LYPLAL1: variants seen among roughly 807,000 people sequenced by gnomAD.
The protein encoded by LYPLAL1 is lysophospholipase like 1.
A neutral mutation model predicts 19.7 loss-of-function variants in LYPLAL1; 23 were observed. The observed-to-expected ratio is 1.17, with a 90% CI of 0.84 to 1.65. LYPLAL1 has a LOEUF of 1.65. Ranked by LOEUF, LYPLAL1 falls within the 40% of genes most tolerant of loss-of-function variation. LYPLAL1 has a pLI of 0.00. For synonymous variants in LYPLAL1, 119 were observed against 96.3 expected (o/e 1.24, Z -1.38); for missense variants, 355 against 279.4 (o/e 1.27, Z -1.93).
chr1:219,426,340 T>C, the LYPLAL1 span, among the ~76,000 whole-genome samples: 1 of 152,214 alleles, frequency 6.6e-6, no homozygotes, highest in Non-Finnish European at 1.5e-5. Flanking sequence ...CTCAGTGTTA[T>C]TGGCTTTCAA....
chr1:219,360,437 A>C, the LYPLAL1 span, among the ~76,000 whole-genome samples: 1 of 152,190 alleles, frequency 6.6e-6, no homozygotes, highest in Non-Finnish European at 1.5e-5. Flanking sequence ...TAGACATCGG[A>C]GTAGTCATTT....
In LYPLAL1 at chr1:219,206,843, A is replaced by G. The variant is rs575669271; in HGVS notation, c.362-3689A>G. On this transcript the variant is annotated intron_variant, in intron 3 of 4. Transcript: ENST00000366928. ...CATATGTAAAATTTTCTTGATAGTT[A>G]TGCTTTTAAAATCTCTTTTTAATGT... Among the ~76,000 whole-genome samples the G allele has an allele frequency of 3.3e-5, 5 of 151,940 alleles. No individual in the cohort carries two copies. The South Asian group carries it at 1.0e-3, about 32-fold the overall frequency.
the LYPLAL1 span, among the ~76,000 whole-genome samples, chr1:219,278,678 A>AAACAACAACAAC: frequency 0.056 from 8,448 of 150,704 alleles, 509 homozygotes; most frequent in African/African-American, 0.15. Context: ...AAAAATCACT[A>AAACAACAACAAC]AACAACAACA....
the LYPLAL1 span, among the ~76,000 whole-genome samples, chr1:219,391,512 G>T: frequency 6.6e-6 from 1 of 151,708 alleles, no homozygotes; most frequent in East Asian, 1.9e-4. Flanking sequence ...TGCATTTTTG[G>T]TTAACCAAAG....
chr1:219,191,150 TACCTTTCCTGTAGAAAGGTA>T (rs1191894748), intron 2 of LYPLAL1, among the ~76,000 whole-genome samples: 1 of 151,674 alleles, frequency 6.6e-6, no homozygotes, highest in African/African-American at 2.4e-5. Flanking sequence ...GATATTTTCC[TACCTTTCCTGTAGAAAGGTA>T]AATTTTTACA....
At chr1:219,188,681 C>CT (rs35665269) in intron 2 of LYPLAL1, among the ~76,000 whole-genome samples, 137,396 of 145,390 alleles carry the variant, frequency 0.95, 64,996 homozygotes, top group East Asian at 0.99. Flanking sequence ...TGAATGTCAA[C>CT]TTTTTTTTTT....
the LYPLAL1 span, among the ~76,000 whole-genome samples, chr1:219,354,891 T>C: frequency 3.3e-5 from 5 of 150,810 alleles, no homozygotes; most frequent in Non-Finnish European, 7.4e-5. Flanking sequence ...TTTAAAAAGA[T>C]ATTTGACTAT....
the LYPLAL1 span, among the ~76,000 whole-genome samples, chr1:219,292,696 T>C: frequency 2.6e-5 from 4 of 152,240 alleles, no homozygotes; most frequent in African/African-American, 9.6e-5. Context: ...TTAGATGTAC[T>C]ACATACTGTG....
chr1:219,408,239 C>T, the LYPLAL1 span, among the ~76,000 whole-genome samples: 6 of 152,192 alleles, frequency 3.9e-5, no homozygotes, highest in Admixed American at 2.0e-4. Flanking sequence ...GGCTCTTTCT[C>T]TGTGATGTTG....
the LYPLAL1 span, among the ~76,000 whole-genome samples, chr1:219,367,755 G>A: frequency 6.6e-6 from 1 of 152,112 alleles, no homozygotes. Context: ...ATTTAATTAT[G>A]GAGCTTTCTA....
At chr1:219,196,142 T>G (rs188188924) in intron 3 of LYPLAL1, among the ~76,000 whole-genome samples, 1 of 152,308 alleles carries the variant, frequency 6.6e-6, no homozygotes, top group Non-Finnish European at 1.5e-5. Flanking sequence ...GACATATGTG[T>G]GCATGTATCT....
At chr1:219,427,526 T>A in the LYPLAL1 span, among the ~76,000 whole-genome samples, 48 of 152,238 alleles carry the variant, frequency 3.2e-4, no homozygotes, top group African/African-American at 1.1e-3. Context: ...AATTTAAAAA[T>A]ATGAAAGTTA....
At chr1:219,265,809 T>C in the LYPLAL1 span, among the ~76,000 whole-genome samples, 1 of 152,192 alleles carries the variant, frequency 6.6e-6, no homozygotes, top group Non-Finnish European at 1.5e-5. Context: ...TCGTACTGAA[T>C]ACTGTAGGCA....
chr1:219,379,755 G>T, the LYPLAL1 span, among the ~76,000 whole-genome samples: 1 of 152,200 alleles, frequency 6.6e-6, no homozygotes, highest in African/African-American at 2.4e-5. Flanking sequence ...AATTGTTTGA[G>T]ACTACCTTAA....
the LYPLAL1 span, among the ~76,000 whole-genome samples, chr1:219,388,810 A>C: frequency 2.0e-5 from 3 of 152,324 alleles, no homozygotes; most frequent in South Asian, 2.1e-4. Context: ...ATTGACAAAC[A>C]TTTCTCTTTT....
chr1:219,192,002 C>T (rs1344997893), intron 2 of LYPLAL1, among the ~76,000 whole-genome samples: 2 of 151,148 alleles, frequency 1.3e-5, no homozygotes, highest in African/African-American at 4.9e-5. Flanking sequence ...ATAACCTTGA[C>T]GTTCAAGCCC....
chr1:219,422,926 T>C, the LYPLAL1 span, among the ~76,000 whole-genome samples: 1 of 152,204 alleles, frequency 6.6e-6, no homozygotes, highest in Non-Finnish European at 1.5e-5. Context: ...TAATGGTTTG[T>C]TCTTAGTCAT....
chr1:219,233,058 G>C, the LYPLAL1 span, among the ~76,000 whole-genome samples: 2 of 152,094 alleles, frequency 1.3e-5, no homozygotes, highest in Non-Finnish European at 2.9e-5. Context: ...GTTAAAAGCA[G>C]GGTACACCTA....
At chr1:219,441,768 T>A in the LYPLAL1 span, among the ~76,000 whole-genome samples, 1 of 152,072 alleles carries the variant, frequency 6.6e-6, no homozygotes, top group Non-Finnish European at 1.5e-5. Flanking sequence ...ACAAGCATAC[T>A]CTCCACTCAT....
Sources: allele counts gnomAD v4.1 joint callset (sites outside exome capture counted in the v4.1 genomes callset), GRCh38; gene constraint gnomAD v4.1.1; transcripts MANE v1.5; gene names NCBI Gene and HGNC (gene_info 2026-07-23, HGNC 2026-07-21).